SGCZ: variants seen among roughly 807,000 people sequenced by gnomAD.
SGCZ encodes the protein sarcoglycan zeta.
In SGCZ, 40 loss-of-function variants were observed where a neutral mutation model predicts 41.3. The observed-to-expected ratio is 0.97, with a 90% confidence interval of 0.75 to 1.26. The LOEUF is 1.26. Among genes scored for constraint, SGCZ ranks in the 50% most tolerant of loss-of-function variants. SGCZ has a pLI of 0.00. For synonymous variants in SGCZ, 206 were observed against 137.5 expected (o/e 1.50, Z -3.49); for missense variants, 552 against 369.8 (o/e 1.49, Z -4.04).
At chr8:14,640,591 A>G (rs1806988257) in intron 1 of SGCZ, among the ~76,000 whole-genome samples, 1 of 148,624 alleles carries the variant, frequency 6.7e-6, no homozygotes, top group African/African-American at 2.5e-5. Flanking sequence ...AAAAGTTGAT[A>G]AACCAAAACA....
intron 4 of SGCZ, among the ~76,000 whole-genome samples, chr8:14,175,141 C>T (rs866831964): frequency 1.8e-4 from 27 of 152,058 alleles, no homozygotes; most frequent in African/African-American, 4.8e-4. Flanking sequence ...CTTCAATGCC[C>T]TAGAAGAAAA....
rs1563404213 is a variant in SGCZ, at chr8:14,551,481, TATA to T, written c.234+3248_234+3250del. Among the ~76,000 whole-genome samples the T allele has an allele frequency of 4.0e-4, 2 of 4,984 alleles. 1 individual carries two copies. Among genetic ancestry groups the T allele is most frequent in the African/African-American group, 8.8e-4 (2 of 2,262 alleles). The allele number at this position is 4,984 out of a possible 152,430, so 3.3% of individuals were successfully genotyped here. A position where few individuals can be genotyped will look rare whatever the true frequency, so the allele number is the denominator to read the frequency against. On this transcript the variant is annotated intron_variant, in intron 2 of 7. Coordinates refer to ENST00000382080, the MANE Select transcript of SGCZ (RefSeq NM_139167.4). ...TATATATATTATATATATTATATAT[TATA>T]TATATTATATATATTATATATATTA...
At chr8:14,385,074 C>T (rs1374019009) in intron 2 of SGCZ, among the ~76,000 whole-genome samples, 3 of 152,092 alleles carry the variant, frequency 2.0e-5, no homozygotes, top group African/African-American at 4.8e-5. Flanking sequence ...TAGTGATGTG[C>T]TGATAGATGA....
chr8:14,799,941 A>G (rs1041749882), intron 1 of SGCZ, among the ~76,000 whole-genome samples: 4 of 152,214 alleles, frequency 2.6e-5, no homozygotes, highest in Non-Finnish European at 5.9e-5. Context: ...TAAGTATTAT[A>G]AACAGAGGTA....
intron 2 of SGCZ, among the ~76,000 whole-genome samples, chr8:14,406,757 C>A (rs977262941): frequency 6.6e-6 from 1 of 152,130 alleles, no homozygotes; most frequent in East Asian, 1.9e-4. Flanking sequence ...CACTCTCATT[C>A]CAGAAATTTT....
chr8:14,941,355 T>C (rs1031687960), intron 1 of SGCZ, among the ~76,000 whole-genome samples: 4 of 152,120 alleles, frequency 2.6e-5, no homozygotes, highest in African/African-American at 9.7e-5. Context: ...AGTGTCAATG[T>C]TTACCACAAG....
intron 1 of SGCZ, among the ~76,000 whole-genome samples, chr8:14,862,801 G>A (rs1418886380): frequency 1.3e-5 from 2 of 151,778 alleles, no homozygotes; most frequent in Admixed American, 1.3e-4. Flanking sequence ...AGAGAAACCT[G>A]CTTTCCCCTC....
chr8:14,879,646 C>T (rs1446287001), intron 1 of SGCZ: 2 of 151,192 alleles, frequency 1.3e-5, no homozygotes, highest in East Asian at 3.9e-4. Context: ...AGTAACAGTT[C>T]CTCGTTGTTT....
intron 2 of SGCZ, among the ~76,000 whole-genome samples, chr8:14,359,682 G>A (rs1307648736): frequency 6.6e-6 from 1 of 151,970 alleles, no homozygotes; most frequent in Non-Finnish European, 1.5e-5. Context: ...CCTCACTATT[G>A]AAGCTGGAGA....
At chr8:14,830,695 G>A (rs1202706890) in intron 1 of SGCZ, among the ~76,000 whole-genome samples, 3 of 152,048 alleles carry the variant, frequency 2.0e-5, no homozygotes, top group Non-Finnish European at 4.4e-5. Flanking sequence ...AAGGAATGCT[G>A]CTGATTTATA....
chr8:14,486,239 C>T (rs915579382), intron 2 of SGCZ, among the ~76,000 whole-genome samples: 1 of 152,054 alleles, frequency 6.6e-6, no homozygotes, highest in African/African-American at 2.4e-5. Flanking sequence ...CTTGAAATTG[C>T]CTGGAAAATT....
At chr8:14,882,391 A>T (rs1231793829) in intron 1 of SGCZ, among the ~76,000 whole-genome samples, 2 of 152,222 alleles carry the variant, frequency 1.3e-5, no homozygotes, top group Non-Finnish European at 2.9e-5. Context: ...TTTTCACAAC[A>T]TGCCTATCAG....
intron 2 of SGCZ, among the ~76,000 whole-genome samples, chr8:14,544,219 G>C (rs537944456): frequency 1.3e-5 from 2 of 152,166 alleles, no homozygotes; most frequent in South Asian, 2.1e-4. Context: ...TCTTATGCCT[G>C]TCTTTACTTT....
At chr8:14,459,596 C>A (rs757663883) in intron 2 of SGCZ, among the ~76,000 whole-genome samples, 8 of 152,036 alleles carry the variant, frequency 5.3e-5, no homozygotes, top group Non-Finnish European at 1.0e-4. Context: ...AAGTATCTAT[C>A]TCAAGACATT....
Position 14,540,312 on chromosome 8 carries a change from T to A in SGCZ, c.234+14420A>T, listed in dbSNP as rs1585061537. ...TCAATCTCTGTCTTGGTGTTGACCT[T>A]TTTTTCATTAGAGGTATCATGAGTA... On this transcript the variant is annotated intron_variant, in intron 2 of 7. Transcript: ENST00000382080. 3.3e-5 allele frequency among the ~76,000 whole-genome samples: 5 copies of A among 150,874 alleles called. No homozygotes were observed. The South Asian group carries it at 1.0e-3, about 32-fold the overall frequency.
intron 1 of SGCZ, among the ~76,000 whole-genome samples, chr8:14,732,388 G>A (rs1200543028): frequency 6.6e-6 from 1 of 152,052 alleles, no homozygotes; most frequent in Non-Finnish European, 1.5e-5. Flanking sequence ...TTCTTCTCTC[G>A]GCACAGAAGC....
chr8:14,509,812 C>A (rs1452134426), intron 2 of SGCZ, among the ~76,000 whole-genome samples: 1 of 152,068 alleles, frequency 6.6e-6, no homozygotes, highest in African/African-American at 2.4e-5. Context: ...AAAACAGTCA[C>A]ATTTTACAAA....
chr8:14,833,651 G>C (rs1182032041), intron 1 of SGCZ, among the ~76,000 whole-genome samples: 1 of 152,184 alleles, frequency 6.6e-6, no homozygotes, highest in Non-Finnish European at 1.5e-5. Flanking sequence ...TGTGCTTGCA[G>C]ATGGGGACGA....
chr8:14,225,749 G>T (rs1186490465), intron 4 of SGCZ, among the ~76,000 whole-genome samples: 1 of 152,008 alleles, frequency 6.6e-6, no homozygotes, highest in Admixed American at 6.6e-5. Flanking sequence ...CAACAGCAAT[G>T]ATGGCCACCT....
Sources: gnomAD v4.1 joint callset for allele counts (sites outside exome capture counted in the v4.1 genomes callset) on GRCh38, gnomAD v4.1.1 for gene constraint, MANE v1.5 for transcripts, NCBI Gene and HGNC (gene_info 2026-07-23, HGNC 2026-07-21) for gene names.